TSPAN2: variants seen among roughly 807,000 people sequenced by gnomAD.
TSPAN2 encodes tetraspanin 2, also known as tetraspanin-2.
TSPAN2 carries 24 observed loss-of-function variants against 33.3 expected under a neutral mutation model. The ratio of observed to expected loss-of-function variants is 0.72; its 90% CI spans 0.52 to 1.01. The LOEUF (loss-of-function observed/expected upper bound fraction) is 1.01. Ranked by LOEUF, TSPAN2 falls within the 50% of genes least tolerant of loss-of-function variation. The probability of loss-of-function intolerance (pLI) is 0.00; values close to 1 mark genes in which losing one functional copy is unlikely to be tolerated. For synonymous variants in TSPAN2, 114 were observed against 104.5 expected (o/e 1.09, Z -0.56); for missense variants, 278 against 281.3 (o/e 0.99, Z 0.08).
At chr1:115,053,531 C>T (rs1413311681) in intron 6 of TSPAN2, 69 bp from the exon 7 acceptor site, 2 of 1,278,104 alleles carry the variant, frequency 1.6e-6, no homozygotes, top group East Asian at 2.4e-5. Context: ...TGATCCTATC[C>T]TTTCCATCTC....
Position 115,082,239 on chromosome 1 carries a change from C to T in TSPAN2, c.69+7125G>A, listed in dbSNP as rs111333559. 8.3e-4 allele frequency among the ~76,000 whole-genome samples: 126 copies of T among 152,296 alleles called. 2 individuals are homozygous for T. Among genetic ancestry groups the T allele is most frequent in the African/African-American group, 2.8e-3 (116 of 41,572 alleles). ...AGCTACATGTGATCAGTAGCATAGT[C>T]GCCGCATTGGACAGTGCAGGTCTAG... On this transcript the variant is annotated intron_variant, in intron 1 of 7. Coordinates refer to ENST00000369516, the MANE Select transcript of TSPAN2 (RefSeq NM_005725.6).
Position 115,060,518 on chromosome 1 carries a change from C to T in TSPAN2, c.291G>A (p.Val97=), listed in dbSNP as rs1485982027. The change falls in exon 4 of 8, where the codon GTG becomes GTA. Residue 97 remains valine, a synonymous_variant. Transcript: ENST00000369516. ...VLGSFFTCLL[V]IFAAEVTTGV... ...CAGTGGTTACTTCAGCAGCAAATAT[C>T]ACCAGGAGGCAGGTAAAAAACTGTA... The T allele has an allele frequency of 1.2e-6, 2 of 1,613,498 alleles. No individual in the cohort carries two copies. Among genetic ancestry groups the T allele is most frequent in the Non-Finnish European group, 8.5e-7 (1 of 1,179,666 alleles).
intron 1 of TSPAN2, among the ~76,000 whole-genome samples, chr1:115,082,532 C>T (rs144138851): frequency 1.3e-5 from 2 of 152,310 alleles, no homozygotes; most frequent in Non-Finnish European, 2.9e-5. Context: ...TTATATAGTG[C>T]TTACTATTCT....
At chr1:115,060,642 G>GTTCA (rs140361788) in intron 3 of TSPAN2, 104 bp from the exon 4 acceptor site, 166 of 824,220 alleles carry the variant, frequency 2.0e-4, no homozygotes, top group South Asian at 7.7e-4. Context: ...CTTTCATGTG[G>GTTCA]TTCATTCATT....
At chr1:115,054,583 A>C (rs1355841543) in intron 6 of TSPAN2, among the ~76,000 whole-genome samples, 2 of 152,122 alleles carry the variant, frequency 1.3e-5, no homozygotes, top group African/African-American at 4.8e-5. Context: ...TCCTTCTCCT[A>C]TACACTTAGA....
At chr1:115,053,336 G>C (rs768714662) in intron 7 of TSPAN2, 43 bp downstream of exon 7, 3 of 1,553,568 alleles carry the variant, frequency 1.9e-6, no homozygotes, top group Middle Eastern at 3.3e-4. Flanking sequence ...AAGTTTCAAG[G>C]CTTTTTAGAG....
intron 2 of TSPAN2, among the ~76,000 whole-genome samples, chr1:115,068,796 C>G (rs1391663737): frequency 6.6e-6 from 1 of 152,182 alleles, no homozygotes; most frequent in Non-Finnish European, 1.5e-5. Context: ...ACAAACATGT[C>G]TATTGTCTTT....
At position 115,058,945 on chromosome 1, in the gene TSPAN2, A is replaced by G; in HGVS notation, c.382T>C (p.Tyr128His). 6.2e-7 allele frequency: 1 copy of G among 1,614,108 alleles called. No homozygotes were observed. Among genetic ancestry groups the G allele is most frequent in the South Asian group, 1.1e-5 (1 of 91,080 alleles). The change falls in exon 5 of 8, where the codon TAC becomes CAC. Residue 128 changes from tyrosine (Y) to histidine (H), a missense_variant. Physicochemically the swap from Tyr to His is moderately conservative, Grantham distance 83 (BLOSUM62 2). Coordinates refer to ENST00000369516, the MANE Select transcript of TSPAN2 (RefSeq NM_005725.6). Reference protein sequence around the residue: ...RHVQTMYEEAYNDYLKDRGKG... With the variant: ...RHVQTMYEEAHNDYLKDRGKG... ...CCCCTGTCTTTAAGGTAATCATTGT[A>G]AGCCTCTTCATACATGGTCTGAACA...
intron 2 of TSPAN2, among the ~76,000 whole-genome samples, chr1:115,064,300 AC>A (rs1301242166): frequency 2.0e-5 from 3 of 152,108 alleles, no homozygotes; most frequent in Non-Finnish European, 4.4e-5. Flanking sequence ...CAGCAACAAC[AC>A]CATATTCAGT....
At position 115,050,444 on chromosome 1, in the gene TSPAN2, A is replaced by G; in HGVS notation, c.*46T>C. The stretch of plus-strand genomic sequence containing the variant: ...TGAGCTGGGAGACAGCTCCTGTGAC[A>G]TTTGGTATGAAAGCTTTAGATTGCA... On this transcript the variant is annotated 3_prime_UTR_variant, in exon 8 of 8. Coordinates refer to ENST00000369516, the MANE Select transcript of TSPAN2 (RefSeq NM_005725.6). 1 of 1,536,164 alleles carries G rather than the reference A, an allele frequency of 6.5e-7. No homozygotes were observed. Among genetic ancestry groups the G allele is most frequent in the South Asian group, 1.1e-5 (1 of 89,252 alleles).
intron 4 of TSPAN2, 131 bp downstream of exon 4, chr1:115,060,333 C>A: frequency 1.4e-6 from 1 of 702,164 alleles, no homozygotes; most frequent in Non-Finnish European, 2.4e-6. Context: ...TTCTGCACAC[C>A]ACTTCTAAGT....
At chr1:115,071,602 T>C (rs1443086464) in intron 2 of TSPAN2, among the ~76,000 whole-genome samples, 2 of 152,236 alleles carry the variant, frequency 1.3e-5, no homozygotes, top group African/African-American at 4.8e-5. Flanking sequence ...ATGCATCTTT[T>C]ATGGTATGTC....
chr1:115,056,333 C>T (rs901333375), intron 6 of TSPAN2, among the ~76,000 whole-genome samples: 12 of 152,164 alleles, frequency 7.9e-5, no homozygotes, highest in African/African-American at 2.9e-4. Flanking sequence ...GATGCTCTCT[C>T]TCCTCACATC....
chr1:115,065,673 A>G (rs1431803466), intron 2 of TSPAN2, among the ~76,000 whole-genome samples: 1 of 152,174 alleles, frequency 6.6e-6, no homozygotes, highest in Non-Finnish European at 1.5e-5. Context: ...TGCTATTTCA[A>G]TGCATGTATA....
chr1:115,066,858 T>C (rs1028908993), intron 2 of TSPAN2, among the ~76,000 whole-genome samples: 11 of 152,206 alleles, frequency 7.2e-5, no homozygotes, highest in Admixed American at 3.9e-4. Context: ...TGGTTGAGCA[T>C]TCCTAATCCG....
rs144622221 is a variant in TSPAN2, at chr1:115,057,395, A to G, written c.516+142T>C. On this transcript the variant is annotated intron_variant, in intron 6 of 7. Coordinates refer to ENST00000369516, the MANE Select transcript of TSPAN2 (RefSeq NM_005725.6). The stretch of plus-strand genomic sequence containing the variant: ...CCAATGGGTCTCTCAGCTCAACGCT[A>G]TTCATTTTCCATCAATCCTCTATGC... 33 of 796,186 alleles carry G rather than the reference A, an allele frequency of 4.1e-5. No individual in the cohort carries two copies. The African/African-American group carries it at 5.2e-4, about 12-fold the overall frequency. 49.3% of individuals were successfully genotyped at this position (796,186 alleles called of 1,614,324 possible).
In TSPAN2 at chr1:115,058,962, G is replaced by C. The variant is rs1211392699; in HGVS notation, c.365C>G (p.Thr122Ser). 1.2e-6 allele frequency: 2 copies of C among 1,613,502 alleles called. No individual in the cohort carries two copies. The highest frequency in any genetic ancestry group is 2.7e-5 in the African/African-American group (2 of 74,896). ...GKGVAIRHVQ[T>S]MYEEAYNDYL... Reference sequence around the variant, plus strand: ...ATCATTGTAAGCCTCTTCATACATGGTCTGAACATGTCGGATAGCCTGAAG... The same window carrying C: ...ATCATTGTAAGCCTCTTCATACATGCTCTGAACATGTCGGATAGCCTGAAG... The change falls in exon 5 of 8, where the codon ACC becomes AGC. Residue 122 changes from threonine (T) to serine (S), a missense_variant. Thr to Ser is a moderately conservative substitution (Grantham distance 58). Transcript: ENST00000369516.
intron 2 of TSPAN2, among the ~76,000 whole-genome samples, chr1:115,065,025 T>C (rs1647889113): frequency 6.6e-6 from 1 of 152,184 alleles, no homozygotes; most frequent in Non-Finnish European, 1.5e-5. Context: ...GCTATCAGAA[T>C]CCCAGAGCTC....
chr1:115,072,628 G>T (rs150517289), intron 2 of TSPAN2, among the ~76,000 whole-genome samples: 2 of 152,246 alleles, frequency 1.3e-5, no homozygotes, highest in African/African-American at 4.8e-5. Flanking sequence ...ACAACAGGCT[G>T]CTCTTACCAG....
Sources: allele counts gnomAD v4.1 joint callset (sites outside exome capture counted in the v4.1 genomes callset), GRCh38; gene constraint gnomAD v4.1.1; transcripts MANE v1.5; gene names NCBI Gene and HGNC (gene_info 2026-07-23, HGNC 2026-07-21).